The following NRXN1 variants were observed in gnomAD, a reference collection of about 807,000 sequenced individuals.
The protein encoded by NRXN1 is neurexin-1.
NRXN1 carries 39 observed loss-of-function variants against 150.9 expected under a neutral mutation model. The ratio of observed to expected loss-of-function variants is 0.26; its 90% CI spans 0.20 to 0.34. The LOEUF (loss-of-function observed/expected upper bound fraction) is 0.34, where lower values mean the gene tolerates loss of function less well. NRXN1 is among the 10% of genes least tolerant of loss of function. The pLI, the probability that NRXN1 is intolerant of heterozygous loss-of-function variation, is 1.00. For missense variants in NRXN1, 1,815 were observed against 1,949.9 expected, an observed-to-expected ratio of 0.93 and a Z score of 1.30; for synonymous variants, 924 against 757.0, an observed-to-expected ratio of 1.22 and a Z score of -3.62.
intron 2 of NRXN1, among the ~76,000 whole-genome samples, chr2:51,011,981 C>T (rs1459669785): frequency 2.0e-5 from 3 of 151,868 alleles, no homozygotes; most frequent in African/African-American, 7.3e-5. Flanking sequence ...GTGATTAATC[C>T]TTTCATCTTT....
At chr2:50,145,006 T>C (rs1707804545) in intron 18 of NRXN1, among the ~76,000 whole-genome samples, 1 of 151,810 alleles carries the variant, frequency 6.6e-6, no homozygotes, top group Non-Finnish European at 1.5e-5. Context: ...AAATAACTAA[T>C]ATAAATGTAG....
At chr2:50,543,759 A>G (rs573654734) in intron 9 of NRXN1, among the ~76,000 whole-genome samples, 24 of 152,238 alleles carry the variant, frequency 1.6e-4, no homozygotes, top group African/African-American at 4.6e-4. Flanking sequence ...TTCTACTTCC[A>G]TAAGATTAGT....
chr2:50,766,378 C>T (rs535654322), intron 5 of NRXN1, among the ~76,000 whole-genome samples: 1 of 151,998 alleles, frequency 6.6e-6, no homozygotes, highest in African/African-American at 2.4e-5. Context: ...GTATTTCTCA[C>T]TGAATTCTGA....
intron 17 of NRXN1, among the ~76,000 whole-genome samples, chr2:50,304,002 A>G (rs1367638934): frequency 6.6e-6 from 1 of 152,224 alleles, no homozygotes; most frequent in African/African-American, 2.4e-5. Flanking sequence ...ATAGCATTTT[A>G]TAGATCATAA....
intron 5 of NRXN1, among the ~76,000 whole-genome samples, chr2:50,781,342 T>C (rs1254455370): frequency 6.6e-6 from 1 of 151,204 alleles, no homozygotes; most frequent in African/African-American, 2.4e-5. Flanking sequence ...CCATTCAGGA[T>C]ACAAACATTC....
intron 17 of NRXN1, among the ~76,000 whole-genome samples, chr2:50,349,909 G>C (rs2078291129): frequency 6.6e-6 from 1 of 152,172 alleles, no homozygotes; most frequent in Admixed American, 6.5e-5. Flanking sequence ...ATAAATGGTA[G>C]ATGCCTGAAG....
intron 8 of NRXN1, among the ~76,000 whole-genome samples, chr2:50,603,311 A>G (rs1282709470): frequency 6.6e-6 from 1 of 152,184 alleles, no homozygotes; most frequent in African/African-American, 2.4e-5. Context: ...CTTAATGAGA[A>G]TGCTGAGCTC....
intron 15 of NRXN1, among the ~76,000 whole-genome samples, chr2:50,475,165 G>C (rs1449800829): frequency 6.6e-6 from 1 of 152,008 alleles, no homozygotes; most frequent in Non-Finnish European, 1.5e-5. Context: ...GTGGGGAATT[G>C]AATGAAGAAT....
chr2:50,805,330 C>A (rs1381040405), intron 5 of NRXN1, among the ~76,000 whole-genome samples: 1 of 152,044 alleles, frequency 6.6e-6, no homozygotes, highest in African/African-American at 2.4e-5. Flanking sequence ...TGGAAAATGT[C>A]AAGTCATTTA....
intron 22 of NRXN1, among the ~76,000 whole-genome samples, chr2:49,930,955 T>C (rs1670023632): frequency 6.6e-6 from 1 of 152,244 alleles, no homozygotes; most frequent in Non-Finnish European, 1.5e-5. Flanking sequence ...AAGAACAAGA[T>C]ACTGTCTCTA....
intron 16 of NRXN1, 141 bp from the exon 17 acceptor site, chr2:50,465,702 T>C: frequency 1.3e-6 from 1 of 772,946 alleles, no homozygotes. Context: ...TTCACACACC[T>C]GAATTAGGAA....
intron 2 of NRXN1, among the ~76,000 whole-genome samples, chr2:51,015,439 G>C (rs1394639453): frequency 1.3e-5 from 2 of 151,968 alleles, no homozygotes; most frequent in Non-Finnish European, 2.9e-5. Context: ...ATTTTGTCCA[G>C]GATGGATAAT....
intron 5 of NRXN1, among the ~76,000 whole-genome samples, chr2:50,789,913 C>A (rs940650268): frequency 4.6e-5 from 7 of 152,066 alleles, no homozygotes; most frequent in Admixed American, 2.0e-4. Flanking sequence ...TTCCTCAAGT[C>A]CTACGTTTTC....
intron 15 of NRXN1, among the ~76,000 whole-genome samples, chr2:50,478,625 C>A (rs1221298643): frequency 2.6e-5 from 4 of 152,200 alleles, no homozygotes; most frequent in Admixed American, 2.6e-4. Context: ...TTACAACAAT[C>A]TATTTTTGCT....
chr2:50,815,476 C>T (rs1266716319), intron 5 of NRXN1, among the ~76,000 whole-genome samples: 3 of 152,096 alleles, frequency 2.0e-5, no homozygotes, highest in Non-Finnish European at 4.4e-5. Context: ...TGGGTCATTT[C>T]TGTGTCTTAT....
rs568997924 is a variant in NRXN1 at position 50,677,852 on chromosome 2, A to G, written c.833-54237T>C. 2.2e-4 allele frequency among the ~76,000 whole-genome samples: 33 copies of G among 152,154 alleles called. 1 individual carries two copies. The highest frequency in any genetic ancestry group is 7.2e-4 in the African/African-American group (30 of 41,534). On this transcript the variant is annotated intron_variant, in intron 5 of 22. Transcript: ENST00000401669. ...CTTCTTCGTGCATGTGGAGAGAACC[A>G]CAAGAGGCATATTAGTGCTTCCTGC...
At chr2:50,267,045 T>C (rs956156889) in intron 17 of NRXN1, among the ~76,000 whole-genome samples, 11 of 152,166 alleles carry the variant, frequency 7.2e-5, no homozygotes, top group Non-Finnish European at 1.3e-4. Flanking sequence ...GCCAGAGCAA[T>C]CCCTTGTATA....
At chr2:49,984,646 T>C (rs1052914235) in intron 21 of NRXN1, among the ~76,000 whole-genome samples, 1 of 151,674 alleles carries the variant, frequency 6.6e-6, no homozygotes, top group African/African-American at 2.4e-5. Context: ...CATTAATACA[T>C]CTTACAGCCT....
At chr2:50,090,093 G>C (rs1028404729) in intron 19 of NRXN1, among the ~76,000 whole-genome samples, 1 of 152,120 alleles carries the variant, frequency 6.6e-6, no homozygotes, top group Non-Finnish European at 1.5e-5. Context: ...CTTTGTCATA[G>C]AGCAGTTTTT....
Sources: allele counts gnomAD v4.1 joint callset (sites outside exome capture counted in the v4.1 genomes callset), GRCh38; gene constraint gnomAD v4.1.1; transcripts MANE v1.5; gene names NCBI Gene and HGNC (gene_info 2026-07-23, HGNC 2026-07-21).